GRM8: variants seen among roughly 807,000 people sequenced by gnomAD.
The protein encoded by GRM8 is metabotropic glutamate receptor 8.
Under a neutral mutation model 87.2 loss-of-function variants are expected in GRM8, and 47 were observed. The ratio of observed to expected loss-of-function variants is 0.54; its 90% CI spans 0.43 to 0.69. The LOEUF is 0.69. Among genes scored for constraint, GRM8 ranks in the 30% least tolerant of loss-of-function variants. The probability of loss-of-function intolerance (pLI) is 0.00; values close to 1 mark genes in which losing one functional copy is unlikely to be tolerated. For missense variants in GRM8, 1,019 were observed against 1,139.2 expected, an observed-to-expected ratio of 0.89 and a Z score of 1.52; for synonymous variants, 396 against 404.5, an observed-to-expected ratio of 0.98 and a Z score of 0.25.
intron 7 of GRM8, among the ~76,000 whole-genome samples, chr7:126,734,227 T>C (rs1813937339): frequency 6.6e-6 from 1 of 151,934 alleles, no homozygotes; most frequent in African/African-American, 2.4e-5. Context: ...TTTCTCGAAG[T>C]TGATCTGTAA....
At chr7:126,873,065 G>A (rs1799235604) in intron 6 of GRM8, among the ~76,000 whole-genome samples, 3 of 151,958 alleles carry the variant, frequency 2.0e-5, no homozygotes, top group Non-Finnish European at 2.9e-5. Context: ...ACACACACCT[G>A]CGCATACATA....
At chr7:126,440,854 G>A (rs1197046806) in intron 10 of GRM8, among the ~76,000 whole-genome samples, 1 of 152,002 alleles carries the variant, frequency 6.6e-6, no homozygotes, top group South Asian at 2.1e-4. Context: ...TTAAATGACA[G>A]TAGAAACAAA....
intron 8 of GRM8, among the ~76,000 whole-genome samples, chr7:126,584,443 A>G (rs1795906701): frequency 6.6e-6 from 1 of 152,118 alleles, no homozygotes; most frequent in African/African-American, 2.4e-5. Context: ...CATGTCTGAC[A>G]CTAACCTGTA....
chr7:126,589,738 C>A (rs1052584851), intron 8 of GRM8, among the ~76,000 whole-genome samples: 1 of 152,154 alleles, frequency 6.6e-6, no homozygotes. Flanking sequence ...CACTCCCCTG[C>A]CACCTCCACT....
intron 6 of GRM8, among the ~76,000 whole-genome samples, chr7:126,853,317 G>GT (rs200158634): frequency 2.2e-4 from 34 of 151,840 alleles, no homozygotes; most frequent in East Asian, 2.1e-3. Flanking sequence ...GTCGCAAGGT[G>GT]TTTTTTTTGT....
chr7:127,048,577 T>C (rs1165493895), intron 3 of GRM8, among the ~76,000 whole-genome samples: 2 of 152,182 alleles, frequency 1.3e-5, no homozygotes, highest in African/African-American at 4.8e-5. Flanking sequence ...CTCTCAGCAG[T>C]TGGATAAGAT....
intron 3 of GRM8, among the ~76,000 whole-genome samples, chr7:126,960,635 C>T (rs1011098687): frequency 1.4e-4 from 22 of 152,166 alleles, no homozygotes; most frequent in African/African-American, 5.1e-4. Context: ...TAGCCTTAGA[C>T]TAATACCTAG....
chr7:126,962,022 T>C (rs1809374423), intron 3 of GRM8, among the ~76,000 whole-genome samples: 1 of 152,216 alleles, frequency 6.6e-6, no homozygotes, highest in Non-Finnish European at 1.5e-5. Flanking sequence ...CCTACACTCT[T>C]TCTCTCCTCC....
At chr7:126,688,780 T>C (rs1248507829) in intron 7 of GRM8, among the ~76,000 whole-genome samples, 3 of 143,124 alleles carry the variant, frequency 2.1e-5, no homozygotes, top group Non-Finnish European at 1.5e-5. Context: ...AGACACACAG[T>C]GTCTATGGCA....
chr7:126,800,369 T>C (rs1233745689), intron 6 of GRM8, among the ~76,000 whole-genome samples: 1 of 152,152 alleles, frequency 6.6e-6, no homozygotes, highest in Non-Finnish European at 1.5e-5. Flanking sequence ...TCCTGTACTA[T>C]GAAAGTGCTG....
intron 8 of GRM8, among the ~76,000 whole-genome samples, chr7:126,541,276 G>A (rs550579362): frequency 6.6e-6 from 1 of 152,176 alleles, no homozygotes; most frequent in African/African-American, 2.4e-5. Flanking sequence ...AGGCACAGAA[G>A]AGGAGCTCAA....
At chr7:127,146,929 G>C (rs2133295063) in intron 2 of GRM8, among the ~76,000 whole-genome samples, 1 of 152,088 alleles carries the variant, frequency 6.6e-6, no homozygotes, top group East Asian at 1.9e-4. Flanking sequence ...ACTTAAAAAG[G>C]GGGTTGCTTA....
chr7:126,681,957 T>C (rs557518867), intron 7 of GRM8, among the ~76,000 whole-genome samples: 3 of 152,204 alleles, frequency 2.0e-5, no homozygotes, highest in Admixed American at 1.3e-4. Flanking sequence ...GAGTATGTTT[T>C]ACTTGAATTT....
intron 8 of GRM8, among the ~76,000 whole-genome samples, chr7:126,548,242 C>G (rs138482395): frequency 7.7e-4 from 117 of 151,914 alleles, no homozygotes; most frequent in African/African-American, 2.7e-3. Context: ...TGAAGCAAAC[C>G]AACATGGCAC....
chr7:127,092,053 A>G (rs534534878), intron 3 of GRM8, among the ~76,000 whole-genome samples: 2 of 48,736 alleles, frequency 4.1e-5, no homozygotes, highest in East Asian at 1.5e-3. Context: ...ACTGGTCATC[A>G]CCTCGCCCCA....
chr7:127,213,435 A>T (rs1017721212), intron 2 of GRM8, among the ~76,000 whole-genome samples: 1 of 152,230 alleles, frequency 6.6e-6, no homozygotes, highest in African/African-American at 2.4e-5. Context: ...TATTTTGCAT[A>T]TATCAGGTTA....
intron 8 of GRM8, among the ~76,000 whole-genome samples, chr7:126,562,618 G>A (rs181223048): frequency 7.2e-5 from 11 of 152,270 alleles, no homozygotes; most frequent in South Asian, 2.1e-4. Flanking sequence ...AAGGTTGCCC[G>A]GCGTGGTGGC....
Position 126,668,156 on chromosome 7 carries a change from GC to G in GRM8, c.1358-58659del, listed in dbSNP as rs1283320853. 4.6e-5 allele frequency among the ~76,000 whole-genome samples: 7 copies of G among 152,236 alleles called. No individual in the cohort carries two copies. In the South Asian group the frequency reaches 1.5e-3, roughly 32 times the overall value. On this transcript the variant is annotated intron_variant, in intron 7 of 10. Coordinates refer to ENST00000339582, the MANE Select transcript of GRM8 (RefSeq NM_000845.3). ...CGACAACCCAGCGGGAAGTGCTCTA[GC>G]GGGGATTCTGGGCTTGTGAGAGTCC...
chr7:127,040,868 G>A (rs1818367075), intron 3 of GRM8, among the ~76,000 whole-genome samples: 1 of 152,168 alleles, frequency 6.6e-6, no homozygotes, highest in Non-Finnish European at 1.5e-5. Context: ...ACATGAGGAA[G>A]AGAATGGGAA....
Sources: allele counts gnomAD v4.1 joint callset (sites outside exome capture counted in the v4.1 genomes callset), GRCh38; gene constraint gnomAD v4.1.1; transcripts MANE v1.5; gene names NCBI Gene and HGNC (gene_info 2026-07-23, HGNC 2026-07-21).